The following LARP1 variants were observed in gnomAD, a reference collection of about 807,000 sequenced individuals.
LARP1 encodes the protein la-related protein 1.
A neutral mutation model predicts 122.7 loss-of-function variants in LARP1; 36 were observed. The observed-to-expected ratio is 0.29, with a 90% CI of 0.22 to 0.39. The LOEUF is 0.39. Ranked by LOEUF, LARP1 falls within the 10% of genes least tolerant of loss-of-function variation. LARP1 has a pLI of 1.00. For synonymous variants in LARP1, 539 were observed against 528.7 expected (o/e 1.02, Z -0.27); for missense variants, 1,040 against 1,403.6 (o/e 0.74, Z 4.14).
At chr5:154,796,031 T>C (rs1472489365) in intron 8 of LARP1, among the ~76,000 whole-genome samples, 1 of 106,606 alleles carries the variant, frequency 9.4e-6, no homozygotes, top group East Asian at 2.3e-4. Flanking sequence ...TATATATATT[T>C]TTATATATAT....
intron 1 of LARP1, among the ~76,000 whole-genome samples, chr5:154,683,497 C>A (rs952643419): frequency 2.0e-5 from 3 of 152,156 alleles, no homozygotes; most frequent in Admixed American, 1.3e-4. Context: ...AGTGGGGATA[C>A]CTTTGTGTAG....
chr5:154,777,989 C>A (rs747206142), intron 1 of LARP1, among the ~76,000 whole-genome samples: 15 of 152,208 alleles, frequency 9.9e-5, no homozygotes, highest in Admixed American at 3.9e-4. Flanking sequence ...AGGATGGGTG[C>A]GGTGACTCAC....
chr5:154,687,405 G>A (rs185761859), intron 1 of LARP1, among the ~76,000 whole-genome samples: 61 of 152,152 alleles, frequency 4.0e-4, no homozygotes, highest in Admixed American at 1.7e-3. Context: ...TTTGTGAGAC[G>A]GAGTCTCACT....
At chr5:154,756,589 C>T (rs966885757) in intron 1 of LARP1, 1 of 805,814 alleles carries the variant, frequency 1.2e-6, no homozygotes, top group African/African-American at 1.9e-5. Context: ...CCGGCGCTCC[C>T]CGTTTTGGTA....
intron 1 of LARP1, among the ~76,000 whole-genome samples, chr5:154,749,392 C>A (rs773538637): frequency 6.6e-5 from 10 of 152,200 alleles, no homozygotes; most frequent in Non-Finnish European, 1.2e-4. Flanking sequence ...TGCAAACCGT[C>A]CTCCTCCTTG....
chr5:154,755,475 G>A lies in LARP1; in HGVS notation c.-283G>A. Reference sequence around the variant, plus strand: ...TAGAAGCCTGCCGGGCTCGGGGTGGGGGCGTCTTGCGAGGAACGGGCGGGG... The same window carrying A: ...TAGAAGCCTGCCGGGCTCGGGGTGGAGGCGTCTTGCGAGGAACGGGCGGGG... On this transcript the variant is annotated 5_prime_UTR_variant, in exon 1 of 19. Coordinates refer to ENST00000518297, the MANE Select transcript of LARP1 (RefSeq NM_033551.3). 5.7e-6 allele frequency: 5 copies of A among 883,518 alleles called. No homozygotes were observed. The highest frequency in any genetic ancestry group is 6.8e-6 in the Non-Finnish European group (5 of 735,746). The allele number at this position is 883,518 out of a possible 1,614,324, so 54.7% of individuals were successfully genotyped here. A position where few individuals can be genotyped will look rare whatever the true frequency, so the allele number is the denominator to read the frequency against.
In LARP1 at chr5:154,755,841, G is replaced by A. The variant is rs779771124; in HGVS notation, c.84G>A (p.Lys28=). The change falls in exon 1 of 19, where the codon AAG becomes AAA. Residue 28 remains lysine, a synonymous_variant. Transcript: ENST00000518297. The part of the protein sequence containing the change: ...AEEHGGLVRK[K]PPPAPEGKGE... ...AGCACGGGGGGCTGGTGAGGAAGAAGCCGCCGCCGGCGCCCGAGGGCAAGG... is the reference window on the plus strand; with the variant it reads ...AGCACGGGGGGCTGGTGAGGAAGAAACCGCCGCCGGCGCCCGAGGGCAAGG... 3 of 1,004,064 alleles carry A rather than the reference G, an allele frequency of 3.0e-6. No individual in the cohort carries two copies. The highest frequency in any genetic ancestry group is 3.6e-6 in the Non-Finnish European group (3 of 840,852). 62.2% of individuals were successfully genotyped at this position (1,004,064 alleles called of 1,614,324 possible). A position where few individuals can be genotyped will look rare whatever the true frequency, so the allele number is the denominator to read the frequency against.
At chr5:154,808,363 G>A in intron 15 of LARP1, 96 bp from the exon 16 acceptor site, 8 of 1,460,190 alleles carry the variant, frequency 5.5e-6, no homozygotes, top group Non-Finnish European at 7.4e-6. Context: ...GGAAGTACAT[G>A]AGAAAGGACC....
upstream of LARP1, among the ~76,000 whole-genome samples, chr5:154,754,805 G>A (rs925226785): frequency 2.6e-5 from 4 of 152,170 alleles, no homozygotes; most frequent in African/African-American, 9.7e-5. Context: ...GGGACCGAAG[G>A]GGCCAGGCCC....
rs569393766 is a variant in LARP1 at position 154,730,033 on chromosome 5, C to A, written c.205+16903C>A. On this transcript the variant is annotated intron_variant, in intron 1 of 18. Coordinates refer to the LARP1 transcript ENST00000336314. ...AATTGCCACAGATCAGAATTATGAG[C>A]AAATAAAATTGCTCATAAATTTTAA... Among the ~76,000 whole-genome samples, 20 of 152,226 alleles carry A rather than the reference C, an allele frequency of 1.3e-4. No homozygotes were observed. In the East Asian group the frequency reaches 3.7e-3, roughly 28 times the overall value.
rs768107777 is a variant in LARP1, at chr5:154,811,583, C to T, written c.3024C>T (p.Asp1008=). The part of the protein sequence containing the change: ...KYSKAKNLDI[D]PKLQEYLGKF... ...CCAAAGCCAAAAATTTGGACATTGA[C>T]CCCAAACTGCAAGAATACCTCGGCA... is the stretch of plus-strand genomic sequence containing the variant. Residue 1008 remains aspartate (D), a synonymous_variant, in exon 18 of 19, where the codon GAC becomes GAT. Coordinates refer to ENST00000518297, the MANE Select transcript of LARP1 (RefSeq NM_033551.3). The T allele has an allele frequency of 2.7e-5, 43 of 1,614,164 alleles. No homozygotes were observed. The highest frequency in any genetic ancestry group is 3.5e-5 in the Non-Finnish European group (41 of 1,180,036).
At chr5:154,754,134 C>T (rs11750475), upstream of LARP1, among the ~76,000 whole-genome samples, 8,399 of 152,238 alleles carry the variant, frequency 0.055, 253 homozygotes, top group South Asian at 0.067. Flanking sequence ...CAAAAGTAGC[C>T]CATCTAGTCT....
In LARP1 at chr5:154,794,230, G is replaced by A; in HGVS notation, c.1200G>A (p.Gln400=). The A allele has an allele frequency of 6.2e-7, 1 of 1,614,100 alleles. No homozygotes were observed. The highest frequency in any genetic ancestry group is 1.1e-5 in the South Asian group (1 of 91,070). Residue 400 remains glutamine, a synonymous_variant, in exon 7 of 19, where the codon CAG becomes CAA. Transcript: ENST00000518297. The part of the protein sequence containing the change: ...VSSTELYSVD[Q]ELLKDYIKRQ... ...GCACCGAGCTTTACAGTGTGGATCA[G>A]GAACTGCTCAAAGACTACATCAAGC...
intron 16 of LARP1, among the ~76,000 whole-genome samples, chr5:154,810,935 A>G (rs1466842660): frequency 2.0e-5 from 3 of 152,184 alleles, no homozygotes; most frequent in Non-Finnish European, 2.9e-5. Context: ...TGTTGGCCAT[A>G]AGGTGTTTGT....
At chr5:154,795,083 G>T in intron 7 of LARP1, 92 bp from the exon 8 acceptor site, 1 of 1,248,776 alleles carries the variant, frequency 8.0e-7, no homozygotes, top group Admixed American at 1.7e-5. Context: ...GGCTGTGTGA[G>T]ATTGCTGGGG....
chr5:154,812,505 G>GCC (rs36105801), intron 18 of LARP1, among the ~76,000 whole-genome samples: 16 of 58,964 alleles, frequency 2.7e-4, no homozygotes, highest in African/African-American at 9.1e-4. Context: ...GGAAGTAAAA[G>GCC]CCCCCCCCCC....
chr5:154,817,077 A>G lies in LARP1; in HGVS notation c.*2981A>G, dbSNP rs1359518930. 6.7e-6 allele frequency: 1 copy of G among 149,684 alleles called. No homozygotes were observed. Among genetic ancestry groups the G allele is most frequent in the Non-Finnish European group, 1.5e-5 (1 of 67,766 alleles). 9.3% of individuals were successfully genotyped at this position (149,684 alleles called of 1,614,324 possible). A position where few individuals can be genotyped will look rare whatever the true frequency, so the allele number is the denominator to read the frequency against. Reference sequence around the variant, plus strand: ...TTTTACAAAAGAAAGTAAGCTGCTTAGAAGGCCCTGGAAGGGAAGTGAGGA... The same window carrying G: ...TTTTACAAAAGAAAGTAAGCTGCTTGGAAGGCCCTGGAAGGGAAGTGAGGA... On this transcript the variant is annotated 3_prime_UTR_variant, in exon 19 of 19. Transcript: ENST00000518297.
In LARP1 at chr5:154,804,321, T is replaced by TG; in HGVS notation, c.2546+19dup. The TG allele has an allele frequency of 6.3e-7, 1 of 1,595,956 alleles. No homozygotes were observed. The highest frequency in any genetic ancestry group is 1.3e-5 in the African/African-American group (1 of 74,512). Reference sequence around the variant, plus strand: ...TGCTTCCATCAGGTACCTGGGGCAGTGGGGGAAGAGTGATCAGGCTGCCTA... The same window carrying TG: ...TGCTTCCATCAGGTACCTGGGGCAGTGGGGGGAAGAGTGATCAGGCTGCCTA... On this transcript the variant is annotated intron_variant, in intron 14 of 18. Transcript: ENST00000518297.
At chr5:154,813,773 C>T in intron 18 of LARP1, 114 bp from the exon 19 acceptor site, 4 of 857,330 alleles carry the variant, frequency 4.7e-6, no homozygotes, top group South Asian at 1.6e-5. Context: ...TAAGGTTAAA[C>T]CCATTCATTT....
Sources: gnomAD v4.1 joint callset for allele counts (sites outside exome capture counted in the v4.1 genomes callset) on GRCh38, gnomAD v4.1.1 for gene constraint, MANE v1.5 for transcripts, NCBI Gene and HGNC (gene_info 2026-07-23, HGNC 2026-07-21) for gene names.